Variants in LRRIQ1 observed in about 807,000 individuals in gnomAD.
LRRIQ1 encodes the protein leucine rich repeats and IQ motif containing 1, also known as leucine-rich repeat- and IQ domain-containing protein 1.
In LRRIQ1, 210 loss-of-function variants were observed where a neutral mutation model predicts 211.9. That is an observed-to-expected ratio of 0.99 (90% CI 0.89 to 1.11). The LOEUF is 1.11. Ranked by LOEUF, LRRIQ1 falls within the 50% of genes most tolerant of loss-of-function variation. The pLI, the probability that LRRIQ1 is intolerant of heterozygous loss-of-function variation, is 0.00. For synonymous variants in LRRIQ1, 699 were observed against 650.1 expected (o/e 1.08, Z -1.14); for missense variants, 2,136 against 1,939.5 (o/e 1.10, Z -1.90).
intron 24 of LRRIQ1, among the ~76,000 whole-genome samples, chr12:85,192,996 A>T (rs1171632414): frequency 3.6e-4 from 9 of 24,954 alleles, no homozygotes; most frequent in Admixed American, 2.6e-3. Flanking sequence ...TATATAATAT[A>T]ATATATAAAT....
chr12:85,137,525 T>TTG, intron 18 of LRRIQ1, among the ~76,000 whole-genome samples: 1 of 151,754 alleles, frequency 6.6e-6, no homozygotes, highest in Admixed American at 6.6e-5. Context: ...GGGTTTTGCT[T>TTG]TGTATCTCTT....
At chr12:85,250,908 A>AT (rs1895910670) in intron 1 of LRRIQ1, among the ~76,000 whole-genome samples, 3 of 100,988 alleles carry the variant, frequency 3.0e-5, no homozygotes, top group South Asian at 2.4e-4. Flanking sequence ...TATATTATAT[A>AT]TAATATATTT....
chr12:85,251,698 C>A (rs1895947599), intron 1 of LRRIQ1, among the ~76,000 whole-genome samples: 1 of 150,132 alleles, frequency 6.7e-6, no homozygotes, highest in African/African-American at 2.5e-5. Context: ...TATTTGAGGT[C>A]TAGTTTGTCC....
At chr12:85,206,139 A>G (rs531087059) in intron 24 of LRRIQ1, among the ~76,000 whole-genome samples, 1 of 152,308 alleles carries the variant, frequency 6.6e-6, no homozygotes, top group Non-Finnish European at 1.5e-5. Flanking sequence ...CTTGGGCAGA[A>G]CACTGGTGAG....
chr12:85,111,054 A>G (rs1887137231), intron 15 of LRRIQ1, among the ~76,000 whole-genome samples: 1 of 152,166 alleles, frequency 6.6e-6, no homozygotes, highest in African/African-American at 2.4e-5. Flanking sequence ...TTCATAAAAA[A>G]TAACCCAGAA....
chr12:85,186,733 T>G (rs1025413380), intron 24 of LRRIQ1, among the ~76,000 whole-genome samples: 1 of 152,132 alleles, frequency 6.6e-6, no homozygotes, highest in South Asian at 2.1e-4. Flanking sequence ...GCAGGTTTAT[T>G]GTCTTAGAGC....
chr12:85,092,973 A>G (rs1885540831), intron 11 of LRRIQ1, among the ~76,000 whole-genome samples: 1 of 152,178 alleles, frequency 6.6e-6, no homozygotes, highest in South Asian at 2.1e-4. Context: ...TAACCAGACA[A>G]TTAGATGAAA....
intron 25 of LRRIQ1, among the ~76,000 whole-genome samples, chr12:85,232,437 C>T (rs1507211): frequency 0.02 from 2,971 of 152,080 alleles, 97 homozygotes; most frequent in African/African-American, 0.068. Context: ...AATTGTGGCT[C>T]TTTGCATGTG....
intron 24 of LRRIQ1, among the ~76,000 whole-genome samples, chr12:85,192,695 T>C (rs1356115005): frequency 1.0e-5 from 1 of 98,472 alleles, no homozygotes; most frequent in Non-Finnish European, 1.7e-5. Context: ...TATATAAATA[T>C]ATAGTTATAT....
intron 19 of LRRIQ1, among the ~76,000 whole-genome samples, chr12:85,147,081 A>G (rs952022476): frequency 2.6e-5 from 4 of 151,854 alleles, no homozygotes; most frequent in African/African-American, 9.7e-5. Flanking sequence ...CTATCAGTTC[A>G]TTGTTGATTA....
Position 85,255,362 on chromosome 12 carries a change from T to C in LRRIQ1, c.122-7553T>C, listed in dbSNP as rs991630215. ...ACTATCTATGTCAATTGTTGCACAG[T>C]TTCACAGGAGAAGTCAACATTGACT... is the stretch of plus-strand genomic sequence containing the variant. On this transcript the variant is annotated intron_variant, in intron 1 of 1. Coordinates refer to the LRRIQ1 transcript ENST00000602731. Among the ~76,000 whole-genome samples the C allele has an allele frequency of 3.3e-5, 5 of 151,974 alleles. No homozygotes were observed. The South Asian group carries it at 1.0e-3, about 31-fold the overall frequency.
chr12:85,217,508 A>ATGTGTG lies in LRRIQ1; in HGVS notation c.4823-11971_4823-11966dup, dbSNP rs370971727. Among the ~76,000 whole-genome samples, 195 of 64,248 alleles carry ATGTGTG rather than the reference A, an allele frequency of 3.0e-3. 1 individual carries two copies. The highest frequency in any genetic ancestry group is 6.5e-3 in the South Asian group (14 of 2,164). The allele number at this position is 64,248 out of a possible 152,430, so 42.1% of individuals were successfully genotyped here. On this transcript the variant is annotated intron_variant, in intron 24 of 26. Coordinates refer to ENST00000393217, the MANE Select transcript of LRRIQ1 (RefSeq NM_001079910.2). ...TATATATATGTATATATATATATAT[A>ATGTGTG]TGTGTGTGTGTGTGTGTGTGTGTGT...
chr12:85,242,779 G>T (rs1425266739), intron 26 of LRRIQ1, among the ~76,000 whole-genome samples: 1 of 151,778 alleles, frequency 6.6e-6, no homozygotes, highest in Non-Finnish European at 1.5e-5. Flanking sequence ...GCTGCTAAAT[G>T]GCATCATTGT....
At chr12:85,162,040 A>G (rs1038183938) in intron 24 of LRRIQ1, among the ~76,000 whole-genome samples, 1 of 149,878 alleles carries the variant, frequency 6.7e-6, no homozygotes, top group East Asian at 1.9e-4. Flanking sequence ...CTCCACCTCA[A>G]AAAAAAAAAA....
At chr12:85,266,462 A>T (rs1896422733), downstream of LRRIQ1, among the ~76,000 whole-genome samples, 1 of 152,160 alleles carries the variant, frequency 6.6e-6, no homozygotes, top group Admixed American at 6.6e-5. Flanking sequence ...CTTCCTGACA[A>T]CCACTCACAC....
intron 22 of LRRIQ1, 97 bp from the exon 23 acceptor site, chr12:85,153,915 T>C: frequency 2.1e-6 from 2 of 965,366 alleles, no homozygotes; most frequent in South Asian, 1.8e-5. Context: ...TTTATTTTAG[T>C]ATGCTATAAT....
chr12:85,091,415 GT>G (rs1416194853), intron 11 of LRRIQ1, among the ~76,000 whole-genome samples: 13 of 152,166 alleles, frequency 8.5e-5, no homozygotes, highest in African/African-American at 3.1e-4. Context: ...CAGATGTATA[GT>G]TTGGGAATAT....
chr12:85,064,334 C>G (rs1882192493), intron 8 of LRRIQ1, among the ~76,000 whole-genome samples: 2 of 151,506 alleles, frequency 1.3e-5, no homozygotes, highest in Admixed American at 1.3e-4. Context: ...TGAGAAATAT[C>G]TATTCAGATC....
intron 4 of LRRIQ1, among the ~76,000 whole-genome samples, chr12:85,045,502 A>C (rs1367910372): frequency 6.6e-6 from 1 of 151,894 alleles, no homozygotes; most frequent in Non-Finnish European, 1.5e-5. Flanking sequence ...TTCAATTATT[A>C]TACTGTTACT....
Sources: allele counts gnomAD v4.1 joint callset (sites outside exome capture counted in the v4.1 genomes callset), GRCh38; gene constraint gnomAD v4.1.1; transcripts MANE v1.5; gene names NCBI Gene and HGNC (gene_info 2026-07-23, HGNC 2026-07-21).